The following RPAIN variants were observed in gnomAD, a reference collection of about 807,000 sequenced individuals.
The protein encoded by RPAIN is RPA-interacting protein.
A neutral mutation model predicts 30.5 loss-of-function variants in RPAIN; 29 were observed. The observed-to-expected ratio is 0.95, with a 90% CI of 0.71 to 1.30. RPAIN has a LOEUF of 1.30. Ranked by LOEUF, RPAIN falls within the 50% of genes most tolerant of loss-of-function variation. The probability of loss-of-function intolerance (pLI) is 0.00; values close to 1 mark genes in which losing one functional copy is unlikely to be tolerated. For missense variants in RPAIN, 247 were observed against 264.7 expected (o/e 0.93, Z 0.46); for synonymous variants, 101 against 93.5 (o/e 1.08, Z -0.46).
At position 5,420,202 on chromosome 17, in the gene RPAIN, G is replaced by C. The variant is rs767651969; in HGVS notation, c.-9G>C. On this transcript the variant is annotated 5_prime_UTR_variant, in exon 1 of 7. Coordinates refer to ENST00000381209, the MANE Select transcript of RPAIN (RefSeq NM_001033002.4). Reference sequence around the variant, plus strand: ...CGGGTCTTGTGGCTTTGTCTCCCGCGAAGAGGAGATGGCGGAGTCGTTGAG... The same window carrying C: ...CGGGTCTTGTGGCTTTGTCTCCCGCCAAGAGGAGATGGCGGAGTCGTTGAG... 2.5e-6 allele frequency: 4 copies of C among 1,613,464 alleles called. No homozygotes were observed. In the South Asian group the frequency reaches 4.4e-5, roughly 18 times the overall value.
At chr17:5,420,470 C>A (rs1914650523) in intron 1 of RPAIN, among the ~76,000 whole-genome samples, 179 bp downstream of exon 1, 1 of 151,928 alleles carries the variant, frequency 6.6e-6, no homozygotes, top group Non-Finnish European at 1.5e-5. Context: ...TCCTAGAAAG[C>A]CTTGTTTTTG....
chr17:5,428,837 T>C (rs1915652511), intron 6 of RPAIN: 1 of 986,958 alleles, frequency 1.0e-6, no homozygotes, highest in African/African-American at 1.7e-5. Flanking sequence ...ATTATTGCTT[T>C]TAGATCCCAG....
intron 1 of RPAIN, 66 bp from the exon 2 acceptor site, chr17:5,421,230 G>A: frequency 6.8e-7 from 1 of 1,480,978 alleles, no homozygotes; most frequent in Non-Finnish European, 9.1e-7. Context: ...CTCAACTAAT[G>A]TAAGAGTGTT....
chr17:5,429,301 G>C (rs1196621228), intron 6 of RPAIN: 3 of 985,334 alleles, frequency 3.0e-6, no homozygotes, highest in African/African-American at 1.7e-5. Flanking sequence ...GGTGAGTTGT[G>C]GGGGTAGAGC....
chr17:5,425,467 C>G, intron 3 of RPAIN: 2 of 401,918 alleles, frequency 5.0e-6, no homozygotes, highest in Non-Finnish European at 9.7e-6. Flanking sequence ...TCCCGAGTAG[C>G]TGGGATTATA....
At chr17:5,426,787 C>T in intron 5 of RPAIN, 1 of 152,628 alleles carries the variant, frequency 6.6e-6, no homozygotes, top group Non-Finnish European at 1.5e-5. Context: ...ATTACAGGTG[C>T]CTGCCACCAC....
chr17:5,425,868 A>G (rs1915333097), intron 3 of RPAIN, 103 bp from the exon 4 acceptor site: 1 of 729,550 alleles, frequency 1.4e-6, no homozygotes, highest in Non-Finnish European at 2.3e-6. Flanking sequence ...GTCTTGCCCA[A>G]ATCTTTCCCT....
rs78246526 is a variant in RPAIN at position 5,421,276 on chromosome 17, A to G, written c.82-20A>G. The G allele has an allele frequency of 9.5e-6, 15 of 1,582,380 alleles. No homozygotes were observed. The highest frequency in any genetic ancestry group is 3.5e-5 in the South Asian group (3 of 86,068). On this transcript the variant is annotated intron_variant, in intron 1 of 6. Coordinates refer to ENST00000381209, the MANE Select transcript of RPAIN (RefSeq NM_001033002.4). ...AGAAATGCTTTTTTTTTCCCCCCCA[A>G]TCTTGCTCTTTTTTCCCAGAGATGC...
intron 2 of RPAIN, 76 bp downstream of exon 2, chr17:5,421,542 A>C: frequency 7.2e-7 from 1 of 1,396,482 alleles, no homozygotes; most frequent in Non-Finnish European, 9.9e-7. Context: ...TTATTTGTTT[A>C]CTTGAGTCCT....
chr17:5,421,365 G>A lies in RPAIN; in HGVS notation c.151G>A (p.Gly51Arg). ...LNRYRQAGSS[G>R]PGNSQNSFLV... ...CAGGTACCGCCAGGCTGGAAGCAGT[G>A]GGCCAGGGAATTCTCAGAACAGCTT... is the stretch of plus-strand genomic sequence containing the variant. Residue 51 changes from glycine to arginine, a missense_variant, in exon 2 of 7, where the codon GGG becomes AGG. Physicochemically the swap from Gly to Arg is moderately radical, Grantham distance 125. Coordinates refer to ENST00000381209, the MANE Select transcript of RPAIN (RefSeq NM_001033002.4). 1.2e-6 allele frequency: 2 copies of A among 1,613,892 alleles called. No homozygotes were observed. The highest frequency in any genetic ancestry group is 1.7e-6 in the Non-Finnish European group (2 of 1,179,938).
chr17:5,428,613 T>A (rs1915630954), intron 6 of RPAIN: 1 of 937,808 alleles, frequency 1.1e-6, no homozygotes, highest in South Asian at 2.2e-5. Flanking sequence ...TCAGTGGAGT[T>A]TTTACAGAGG....
rs151317071 is a variant in RPAIN, at chr17:5,425,681, C to G, written c.314-290C>G. On this transcript the variant is annotated intron_variant, in intron 3 of 6. Transcript: ENST00000381209. Reference sequence around the variant, plus strand: ...AACTTTATTTAGTTGCCTGTGGGACCCTGACATTCTGTATCTGTGCTCCTA... The same window carrying G: ...AACTTTATTTAGTTGCCTGTGGGACGCTGACATTCTGTATCTGTGCTCCTA... Among the ~76,000 whole-genome samples, 1,039 of 152,138 alleles carry G rather than the reference C, an allele frequency of 6.8e-3. 17 individuals carry two copies. Among genetic ancestry groups the G allele is most frequent in the African/African-American group, 0.024 (985 of 41,482 alleles).
chr17:5,421,479 T>G lies in RPAIN; in HGVS notation c.252+13T>G. 6.2e-7 allele frequency: 1 copy of G among 1,612,112 alleles called. No individual in the cohort carries two copies. On this transcript the variant is annotated intron_variant, in intron 2 of 6. Coordinates refer to ENST00000381209, the MANE Select transcript of RPAIN (RefSeq NM_001033002.4). ...AGACTTGGCTCAGGTCAGGCTGGGC[T>G]ATGTGTTTTCAGGGAGGGGGACTGC...
intron 2 of RPAIN, 189 bp downstream of exon 2, chr17:5,421,655 A>G (rs1433110792): frequency 4.1e-6 from 2 of 487,086 alleles, no homozygotes; most frequent in Non-Finnish European, 7.2e-6. Context: ...GGTCTGAAAT[A>G]CCAGACCGTA....
intron 5 of RPAIN, chr17:5,426,519 C>T (rs903026425): frequency 5.7e-6 from 3 of 523,316 alleles, no homozygotes; most frequent in Non-Finnish European, 6.9e-6. Context: ...CCTGGAGAGC[C>T]ATCACCGCTT....
In RPAIN at chr17:5,421,706, AAAG is replaced by A. The variant is rs1474941962; in HGVS notation, c.252+243_252+245del. On this transcript the variant is annotated intron_variant, in intron 2 of 6. Transcript: ENST00000381209. Reference sequence around the variant, plus strand: ...GCAACATCATCATTTATGAAACTAAAAAGAAAGAAATTTCATTTCTTGCCTCCA... The same window carrying A: ...GCAACATCATCATTTATGAAACTAAAAAAGAAATTTCATTTCTTGCCTCCA... The A allele has an allele frequency of 3.3e-5, 11 of 330,392 alleles. No individual in the cohort carries two copies. In the Admixed American group the frequency reaches 5.3e-4, roughly 16 times the overall value. The allele number at this position is 330,392 out of a possible 1,614,324, so 20.5% of individuals were successfully genotyped here.
chr17:5,421,226 T>C, intron 1 of RPAIN, 70 bp from the exon 2 acceptor site: 1 of 1,452,630 alleles, frequency 6.9e-7, no homozygotes, highest in Admixed American at 2.3e-5. Context: ...TTTTCTCAAC[T>C]AATGTAAGAG....
intron 5 of RPAIN, chr17:5,426,500 C>T (rs1467718424): frequency 3.5e-6 from 2 of 574,746 alleles, no homozygotes; most frequent in South Asian, 2.2e-5. Context: ...ACATCAGAGC[C>T]TTTAGGGCCC....
At chr17:5,421,245 A>T in intron 1 of RPAIN, 51 bp from the exon 2 acceptor site, 1 of 1,538,452 alleles carries the variant, frequency 6.5e-7, no homozygotes, top group Non-Finnish European at 8.8e-7. Flanking sequence ...AGTGTTTTTT[A>T]AAAATAGAAA....
Sources: allele counts gnomAD v4.1 joint callset (sites outside exome capture counted in the v4.1 genomes callset), GRCh38; gene constraint gnomAD v4.1.1; transcripts MANE v1.5; gene names NCBI Gene and HGNC (gene_info 2026-07-23, HGNC 2026-07-21).